MYO16: variants seen among roughly 807,000 people sequenced by gnomAD.
MYO16 encodes unconventional myosin-XVI.
Under a neutral mutation model 205.3 loss-of-function variants are expected in MYO16, and 94 were observed. The ratio of observed to expected loss-of-function variants is 0.46; its 90% CI spans 0.39 to 0.54. MYO16 has a LOEUF of 0.54. Ranked by LOEUF, MYO16 falls within the 20% of genes least tolerant of loss-of-function variation. The pLI is 0.00. For synonymous variants in MYO16, 988 were observed against 954.0 expected, an observed-to-expected ratio of 1.04 and a Z score of -0.66; for missense variants, 2,315 against 2,387.5, an observed-to-expected ratio of 0.97 and a Z score of 0.63.
At chr13:109,025,145 C>T (rs534807224) in intron 23 of MYO16, among the ~76,000 whole-genome samples, 1 of 152,254 alleles carries the variant, frequency 6.6e-6, no homozygotes. Context: ...ACCACTTGCT[C>T]CTCCACGATG....
intron 27 of MYO16, among the ~76,000 whole-genome samples, chr13:109,087,002 C>A (rs1888453337): frequency 6.6e-6 from 1 of 152,146 alleles, no homozygotes; most frequent in African/African-American, 2.4e-5. Context: ...TTTATTTTGT[C>A]TTTATAATAA....
At chr13:109,169,593 T>A (rs1287241824) in intron 33 of MYO16, among the ~76,000 whole-genome samples, 3 of 150,688 alleles carry the variant, frequency 2.0e-5, no homozygotes, top group African/African-American at 2.4e-5. Flanking sequence ...TACACCAAGA[T>A]AAATTTACAA....
intron 15 of MYO16, among the ~76,000 whole-genome samples, chr13:108,905,969 A>G (rs1440202663): frequency 6.6e-6 from 1 of 152,116 alleles, no homozygotes; most frequent in Non-Finnish European, 1.5e-5. Context: ...ACGAGCCACA[A>G]GGCCTGGGGT....
intron 34 of MYO16, among the ~76,000 whole-genome samples, chr13:109,192,183 A>G (rs1249881545): frequency 1.3e-5 from 2 of 152,220 alleles, no homozygotes; most frequent in Admixed American, 1.3e-4. Flanking sequence ...CTCTGTTTCT[A>G]AAACAGATGA....
chr13:109,101,685 CCAG>C (rs1467111700), intron 28 of MYO16: 1 of 152,140 alleles, frequency 6.6e-6, no homozygotes, highest in African/African-American at 2.4e-5. Flanking sequence ...GTCCATGACA[CCAG>C]AAATTATTTG....
intron 15 of MYO16, among the ~76,000 whole-genome samples, chr13:108,902,554 G>A (rs1880759762): frequency 6.6e-6 from 1 of 152,214 alleles, no homozygotes. Context: ...CTGGAGGTTA[G>A]AAGTCTGGAA....
chr13:108,823,156 G>A lies in MYO16; in HGVS notation c.975G>A (p.Met325Ile). The change falls in exon 9 of 35, where the codon ATG (methionine) becomes ATA (isoleucine). Residue 325 changes from methionine (M) to isoleucine (I), a missense_variant. Coordinates refer to ENST00000457511, the MANE Select transcript of MYO16 (RefSeq NM_001198950.3). ...DIAASEFIEEMLLKAEIAWEE... is the reference protein window; with the variant it reads ...DIAASEFIEEILLKAEIAWEE... ...CTGCCTCTGAGTTTATTGAGGAAAT[G>A]CTGCTGAAAGCCGAAATTGCCTGGG... is the stretch of plus-strand genomic sequence containing the variant. 1 of 1,611,676 alleles carries A rather than the reference G, an allele frequency of 6.2e-7. No homozygotes were observed. Among genetic ancestry groups the A allele is most frequent in the Non-Finnish European group, 8.5e-7 (1 of 1,179,320 alleles).
chr13:108,835,186 C>T (rs767621319), intron 9 of MYO16, among the ~76,000 whole-genome samples: 2 of 152,142 alleles, frequency 1.3e-5, no homozygotes, highest in Non-Finnish European at 2.9e-5. Context: ...CCCGCATTCC[C>T]TGGGAGGGAC....
chr13:108,797,728 A>G (rs1328812741), intron 6 of MYO16, among the ~76,000 whole-genome samples: 1 of 152,232 alleles, frequency 6.6e-6, no homozygotes, highest in Non-Finnish European at 1.5e-5. Flanking sequence ...TGCCTAACAC[A>G]TAATAGAAAC....
At chr13:109,129,894 A>G (rs1456253888) in intron 31 of MYO16, among the ~76,000 whole-genome samples, 2 of 151,760 alleles carry the variant, frequency 1.3e-5, no homozygotes, top group African/African-American at 4.8e-5. Context: ...ACTGCCCTGG[A>G]GTAATGAGGG....
chr13:109,005,091 A>G (rs1885346532), intron 21 of MYO16, among the ~76,000 whole-genome samples: 1 of 152,206 alleles, frequency 6.6e-6, no homozygotes, highest in African/African-American at 2.4e-5. Context: ...CAAATAATGT[A>G]CAAGGAAGAA....
chr13:108,570,624 G>A, the MYO16 span, among the ~76,000 whole-genome samples: 30 of 152,188 alleles, frequency 2.0e-4, no homozygotes, highest in African/African-American at 7.2e-4. Context: ...TTTAAAAGTA[G>A]CGTTTCTTAC....
chr13:109,059,240 A>T (rs1447584989), intron 27 of MYO16, among the ~76,000 whole-genome samples: 1 of 152,190 alleles, frequency 6.6e-6, no homozygotes, highest in African/African-American at 2.4e-5. Flanking sequence ...AATACTTTCC[A>T]GAAGGTTTCC....
At chr13:108,692,645 G>A (rs1023034532) in intron 2 of MYO16, among the ~76,000 whole-genome samples, 10 of 152,140 alleles carry the variant, frequency 6.6e-5, no homozygotes, top group East Asian at 5.8e-4. Flanking sequence ...TGTGTCACAC[G>A]GCGCATATCT....
At chr13:108,879,453 G>A (rs1879493834) in intron 12 of MYO16, among the ~76,000 whole-genome samples, 1 of 152,004 alleles carries the variant, frequency 6.6e-6, no homozygotes, top group African/African-American at 2.4e-5. Flanking sequence ...ATGTTGGTGT[G>A]CTGCACCCGT....
the MYO16 span, among the ~76,000 whole-genome samples, chr13:108,528,835 G>A: frequency 0.21 from 31,593 of 147,268 alleles, 3,639 homozygotes; most frequent in East Asian, 0.46. Flanking sequence ...AGCTTTTGAC[G>A]ATGTGAGAGG....
intron 19 of MYO16, among the ~76,000 whole-genome samples, chr13:108,963,735 C>T (rs1883678504): frequency 6.6e-6 from 1 of 152,136 alleles, no homozygotes. Flanking sequence ...TGTTCTTCTT[C>T]GCACCTTCTT....
At chr13:108,630,982 C>T (rs193027904) in intron 1 of MYO16, among the ~76,000 whole-genome samples, 1 of 152,264 alleles carries the variant, frequency 6.6e-6, no homozygotes, top group Admixed American at 6.5e-5. Context: ...CAAAAGGATT[C>T]ACTGGTCATC....
At chr13:108,502,408 A>T in the MYO16 span, among the ~76,000 whole-genome samples, 1 of 152,194 alleles carries the variant, frequency 6.6e-6, no homozygotes, top group African/African-American at 2.4e-5. Flanking sequence ...TTAATTCCTC[A>T]TGAAGTCATT....
Sources: allele counts gnomAD v4.1 joint callset (sites outside exome capture counted in the v4.1 genomes callset), GRCh38; gene constraint gnomAD v4.1.1; transcripts MANE v1.5; gene names NCBI Gene and HGNC (gene_info 2026-07-23, HGNC 2026-07-21).